The following PJVK variants were observed in gnomAD, a reference collection of about 807,000 sequenced individuals.
PJVK encodes the protein pejvakin, also known as autosomal recessive deafness type 59 protein.
In PJVK, 33 loss-of-function variants were observed where a neutral mutation model predicts 37.6. The observed-to-expected ratio is 0.88, with a 90% CI of 0.67 to 1.17. PJVK has a LOEUF of 1.17. Among genes scored for constraint, PJVK ranks in the 50% most tolerant of loss-of-function variants. The pLI, the probability that PJVK is intolerant of heterozygous loss-of-function variation, is 0.00. For synonymous variants in PJVK, 141 were observed against 143.5 expected, an observed-to-expected ratio of 0.98 and a Z score of 0.13; for missense variants, 410 against 413.8, an observed-to-expected ratio of 0.99 and a Z score of 0.08.
At chr2:178,454,770 A>G (rs996301609) in intron 3 of PJVK, 6 of 1,581,692 alleles carry the variant, frequency 3.8e-6, no homozygotes, top group Non-Finnish European at 5.2e-6. Context: ...AGAGGCAGAG[A>G]GGCTGCAGCT....
At position 178,456,385 on chromosome 2, in the gene PJVK, C is replaced by T. The variant is rs181129496; in HGVS notation, c.549+234C>T. The T allele has an allele frequency of 1.3e-5, 7 of 554,526 alleles. No individual in the cohort carries two copies. The East Asian group carries it at 1.9e-4, about 15-fold the overall frequency. 34.4% of individuals were successfully genotyped at this position (554,526 alleles called of 1,614,324 possible). A position where few individuals can be genotyped will look rare whatever the true frequency, so the allele number is the denominator to read the frequency against. On this transcript the variant is annotated intron_variant, in intron 4 of 6. Coordinates refer to ENST00000644580, the MANE Select transcript of PJVK (RefSeq NM_001042702.5). ...AAAAACAGTAATCCTTGTGAAATTA[C>T]GTGCATACTGGAGTCCCTCAAGTTA...
In PJVK at chr2:178,454,291, G is replaced by A. The variant is rs1028456003; in HGVS notation, c.212-41G>A. 3.9e-6 allele frequency: 6 copies of A among 1,533,704 alleles called. No homozygotes were observed. The African/African-American group carries it at 6.9e-5, about 18-fold the overall frequency. ...ATGTTACTATATATAATCTACATAA[G>A]ATAAAGATGTTTAAAAAATACTGAG... On this transcript the variant is annotated intron_variant, in intron 2 of 6. Transcript: ENST00000644580.
In PJVK at chr2:178,460,781, G is replaced by A. The variant is rs140037770; in HGVS notation, c.767-201G>A. Among the ~76,000 whole-genome samples the A allele has an allele frequency of 0.01, 1,525 of 149,996 alleles. 8 individuals carry two copies. Among genetic ancestry groups the A allele is most frequent in the Non-Finnish European group, 0.016 (1,078 of 67,622 alleles). On this transcript the variant is annotated intron_variant, in intron 6 of 6. Coordinates refer to ENST00000644580, the MANE Select transcript of PJVK (RefSeq NM_001042702.5). ...GGAGGATCACTTGAGCGTGGGAGGC[G>A]GAGGTTGTAGTAAGTGGAGATTGTG...
chr2:178,456,232 C>A, intron 4 of PJVK, 81 bp downstream of exon 4: 1 of 1,535,132 alleles, frequency 6.5e-7, no homozygotes, highest in South Asian at 1.2e-5. Context: ...TCTAGTCAGG[C>A]TTGTGTATTT....
chr2:178,453,781 CAA>C, intron 2 of PJVK, 161 bp downstream of exon 2: 1 of 611,138 alleles, frequency 1.6e-6, no homozygotes, highest in Non-Finnish European at 2.9e-6. Context: ...TTAACAATGC[CAA>C]AAGTTTGTAT....
Position 178,452,336 on chromosome 2 carries a change from A to T in PJVK, c.-23+567A>T, listed in dbSNP as rs567633244. On this transcript the variant is annotated intron_variant, in intron 1 of 6. Coordinates refer to ENST00000644580, the MANE Select transcript of PJVK (RefSeq NM_001042702.5). ...AAAAGCGATTTGTTGTTTTGTTAGCATGTAAGCCCTGGATGCTTGAAACAA... is the reference window on the plus strand; with the variant it reads ...AAAAGCGATTTGTTGTTTTGTTAGCTTGTAAGCCCTGGATGCTTGAAACAA... The T allele has an allele frequency of 1.1e-5, 11 of 983,758 alleles. No individual in the cohort carries two copies. The African/African-American group carries it at 1.9e-4, about 17-fold the overall frequency. The allele number at this position is 983,758 out of a possible 1,614,324, so 60.9% of individuals were successfully genotyped here. A position where few individuals can be genotyped will look rare whatever the true frequency, so the allele number is the denominator to read the frequency against.
At chr2:178,458,157 G>T in intron 4 of PJVK, among the ~76,000 whole-genome samples, 1 of 151,916 alleles carries the variant, frequency 6.6e-6, no homozygotes. Context: ...GCTTTGGAAT[G>T]GTAGACAGGC....
At position 178,454,266 on chromosome 2, in the gene PJVK, A is replaced by T. The variant is rs535928179; in HGVS notation, c.212-66A>T. 4 of 1,378,704 alleles carry T rather than the reference A, an allele frequency of 2.9e-6. No homozygotes were observed. In the East Asian group the frequency reaches 7.4e-5, roughly 25 times the overall value. The allele number at this position is 1,378,704 out of a possible 1,614,324, so 85.4% of individuals were successfully genotyped here. On this transcript the variant is annotated intron_variant, in intron 2 of 6. Transcript: ENST00000644580. ...TTGAGTCTTCAATTGTTAATTTAAC[A>T]TGTTACTATATATAATCTACATAAG...
chr2:178,455,478 A>G (rs539515588), intron 3 of PJVK: 22 of 1,082,724 alleles, frequency 2.0e-5, no homozygotes, highest in Non-Finnish European at 2.9e-5. Flanking sequence ...CAACCACCCA[A>G]CTTTCTTTCC....
rs2154126372 is a variant in PJVK at position 178,461,289 on chromosome 2, A to G, written c.*15A>G. On this transcript the variant is annotated 3_prime_UTR_variant, in exon 7 of 7. Transcript: ENST00000644580. ...GGATGAAATAAAATGAAAAATGAAT[A>G]CACCGTGTTGGTGTTTTAGGTGCAG... 6.2e-7 allele frequency: 1 copy of G among 1,613,470 alleles called. No homozygotes were observed. The highest frequency in any genetic ancestry group is 2.2e-5 in the East Asian group (1 of 44,866).
At chr2:178,457,459 T>C (rs571758007) in intron 4 of PJVK, among the ~76,000 whole-genome samples, 6 of 151,964 alleles carry the variant, frequency 3.9e-5, no homozygotes, top group African/African-American at 1.5e-4. Flanking sequence ...CTACAAAAAA[T>C]AAAAGAATTA....
Position 178,461,584 on chromosome 2 carries a change from C to CTTTTTTTTTTTTTTTTTTTTTTT in PJVK, c.*328_*329insTTTTTTTTTTTTTTTTTTTTTTT, listed in dbSNP as rs536141412. Among the ~76,000 whole-genome samples the CTTTTTTTTTTTTTTTTTTTTTTT allele has an allele frequency of 1.1e-4, 14 of 122,800 alleles. No homozygotes were observed. The highest frequency in any genetic ancestry group is 4.5e-4 in the African/African-American group (14 of 30,958). 80.6% of individuals were successfully genotyped at this position (122,800 alleles called of 152,430 possible). On this transcript the variant is annotated 3_prime_UTR_variant, in exon 7 of 7. Transcript: ENST00000644580. ...GATGTAGTCTATCATTTTAGTTCAC[C>CTTTTTTTTTTTTTTTTTTTTTTT]TTTTTTTTTTTTTTTTTTGAGACAG...
intron 1 of PJVK, 55 bp from the exon 2 acceptor site, chr2:178,453,333 C>A: frequency 1.4e-6 from 2 of 1,438,230 alleles, no homozygotes; most frequent in Non-Finnish European, 1.9e-6. Flanking sequence ...ACAAGCAATG[C>A]TTAATTTTGT....
chr2:178,455,155 G>A lies in PJVK; in HGVS notation c.407+628G>A, dbSNP rs552315333. On this transcript the variant is annotated intron_variant, in intron 3 of 6. Coordinates refer to ENST00000644580, the MANE Select transcript of PJVK (RefSeq NM_001042702.5). ...GGCTCATTGAGGACGGCAAGGTGGT[G>A]ACTGTGCATCTGGAGAAGATCAAGA... 7 of 1,601,210 alleles carry A rather than the reference G, an allele frequency of 4.4e-6. No homozygotes were observed. The Admixed American group carries it at 1.2e-4, about 27-fold the overall frequency.
intron 5 of PJVK, 90 bp from the exon 6 acceptor site, chr2:178,460,258 T>C: frequency 9.3e-7 from 1 of 1,076,536 alleles, no homozygotes; most frequent in Non-Finnish European, 1.4e-6. Flanking sequence ...AACAATACAA[T>C]GAATGATTTG....
At chr2:178,456,187 AG>A in intron 4 of PJVK, 36 bp downstream of exon 4, 1 of 1,608,586 alleles carries the variant, frequency 6.2e-7, no homozygotes, top group Non-Finnish European at 8.5e-7. Flanking sequence ...TACTAACTAA[AG>A]TGTTGCCATG....
In PJVK at chr2:178,451,754, C is replaced by G; in HGVS notation, c.-38C>G. 1.0e-6 allele frequency: 1 copy of G among 985,244 alleles called. No individual in the cohort carries two copies. Among genetic ancestry groups the G allele is most frequent in the African/African-American group, 1.7e-5 (1 of 57,334 alleles). 61.0% of individuals were successfully genotyped at this position (985,244 alleles called of 1,614,324 possible). A position where few individuals can be genotyped will look rare whatever the true frequency, so the allele number is the denominator to read the frequency against. On this transcript the variant is annotated 5_prime_UTR_variant, in exon 1 of 7. Coordinates refer to ENST00000644580, the MANE Select transcript of PJVK (RefSeq NM_001042702.5). ...TCCTTTGTCTTCTGGGCTTTCGTCG[C>G]GAGATGGAACGCTGGGTCAGTGCAT...
At chr2:178,455,110 G>A in intron 3 of PJVK, 1 of 1,596,776 alleles carries the variant, frequency 6.3e-7, no homozygotes, top group Non-Finnish European at 8.6e-7. Flanking sequence ...ACAACGAAGT[G>A]AAGGCGGAGG....
In PJVK at chr2:178,461,273, A is replaced by G; in HGVS notation, c.1058A>G (p.Ter353=). Residue 353 remains the stop codon, a stop_retained_variant, in exon 7 of 7, where the codon TAA becomes TGA. Coordinates refer to ENST00000644580, the MANE Select transcript of PJVK (RefSeq NM_001042702.5). Reference sequence around the variant, plus strand: ...GATATTTGGCACAAGAGGATGAAATAAAATGAAAAATGAATACACCGTGTT... The same window carrying G: ...GATATTTGGCACAAGAGGATGAAATGAAATGAAAAATGAATACACCGTGTT... ...CFDIWHKRMK[*] is the part of the protein sequence containing the mutation. 1 of 1,613,986 alleles carries G rather than the reference A, an allele frequency of 6.2e-7. No homozygotes were observed. Among genetic ancestry groups the G allele is most frequent in the Non-Finnish European group, 8.5e-7 (1 of 1,180,026 alleles).
Sources: gnomAD v4.1 joint callset for allele counts (sites outside exome capture counted in the v4.1 genomes callset) on GRCh38, gnomAD v4.1.1 for gene constraint, MANE v1.5 for transcripts, NCBI Gene and HGNC (gene_info 2026-07-23, HGNC 2026-07-21) for gene names.